CDC42BPB: variants seen among roughly 807,000 people sequenced by gnomAD.
The protein encoded by CDC42BPB is serine/threonine-protein kinase MRCK beta.
A neutral mutation model predicts 214.9 loss-of-function variants in CDC42BPB; 37 were observed. The observed-to-expected ratio is 0.17, with a 90% CI of 0.13 to 0.23. The LOEUF is 0.23. CDC42BPB is among the 10% of genes least tolerant of loss of function. The pLI, the probability that CDC42BPB is intolerant of heterozygous loss-of-function variation, is 1.00. For missense variants in CDC42BPB, 1,694 were observed against 2,227.0 expected, an observed-to-expected ratio of 0.76 and a Z score of 4.82; for synonymous variants, 931 against 884.0, an observed-to-expected ratio of 1.05 and a Z score of -0.94.
chr14:103,023,168 ATT>A (rs35470028), intron 1 of CDC42BPB, among the ~76,000 whole-genome samples: 14 of 129,128 alleles, frequency 1.1e-4, no homozygotes, highest in Non-Finnish European at 8.1e-5. Context: ...CATGTGGCTA[ATT>A]TTTTTTTTTT....
chr14:103,056,251 G>A (rs1888941126), intron 1 of CDC42BPB, among the ~76,000 whole-genome samples: 1 of 152,018 alleles, frequency 6.6e-6, no homozygotes, highest in Non-Finnish European at 1.5e-5. Context: ...TATCACAAAG[G>A]TCTAGCAGAA....
At chr14:102,941,117 C>G in intron 30 of CDC42BPB, 1 of 985,418 alleles carries the variant, frequency 1.0e-6, no homozygotes, top group Non-Finnish European at 1.2e-6. Context: ...TGTGCGTCTT[C>G]CGCTCAGTCC....
At chr14:103,049,642 C>T (rs988693464) in intron 1 of CDC42BPB, among the ~76,000 whole-genome samples, 1 of 152,222 alleles carries the variant, frequency 6.6e-6, no homozygotes, top group Non-Finnish European at 1.5e-5. Context: ...AAATGCATTA[C>T]ATTGATAAAA....
chr14:102,940,900 G>C (rs1891862419), intron 30 of CDC42BPB, among the ~76,000 whole-genome samples: 1 of 152,216 alleles, frequency 6.6e-6, no homozygotes, highest in African/African-American at 2.4e-5. Flanking sequence ...GCATATGCAA[G>C]CGAGGCTAAG....
intron 6 of CDC42BPB, among the ~76,000 whole-genome samples, chr14:102,984,940 G>A (rs1435334922): frequency 6.6e-6 from 1 of 152,262 alleles, no homozygotes; most frequent in Non-Finnish European, 1.5e-5. Flanking sequence ...CGGGACCACT[G>A]GGGTGTTGGG....
Position 102,974,109 on chromosome 14 carries a change from C to T in CDC42BPB, c.1548G>A (p.Ala516=), listed in dbSNP as rs144883325. 158 of 1,613,856 alleles carry T rather than the reference C, an allele frequency of 9.8e-5. No homozygotes were observed. Among genetic ancestry groups the T allele is most frequent in the African/African-American group, 6.8e-4 (51 of 74,932 alleles). ...TGGAGTCCTCACGCTCTTGGCGAAG[C>T]GCCACTGTGTCCTCAAGCTGTCGCT... The part of the protein sequence containing the change: ...RLERQLEDTV[A]LRQEREDSTQ... Residue 516 remains alanine, a synonymous_variant, in exon 12 of 37, where the codon GCG becomes GCA. Coordinates refer to ENST00000361246, the MANE Select transcript of CDC42BPB (RefSeq NM_006035.4).
intron 5 of CDC42BPB, 106 bp from the exon 6 acceptor site, chr14:102,986,686 T>G (rs1894260510): frequency 1.4e-6 from 2 of 1,461,472 alleles, no homozygotes; most frequent in South Asian, 2.9e-5. Context: ...AATATCCTCT[T>G]GTGAACAGCT....
chr14:103,039,492 C>T (rs560777959), intron 1 of CDC42BPB, among the ~76,000 whole-genome samples: 2 of 152,214 alleles, frequency 1.3e-5, no homozygotes, highest in African/African-American at 4.8e-5. Context: ...CCAATTAATG[C>T]AATACACCAT....
intron 12 of CDC42BPB, among the ~76,000 whole-genome samples, chr14:102,972,658 C>G (rs944902832): frequency 3.5e-5 from 4 of 113,126 alleles, no homozygotes; most frequent in Non-Finnish European, 7.0e-5. Flanking sequence ...CACTGCACTC[C>G]AGGCTGGGCG....
intron 1 of CDC42BPB, among the ~76,000 whole-genome samples, chr14:103,020,689 G>A (rs1222687944): frequency 8.5e-5 from 13 of 152,234 alleles, no homozygotes; most frequent in Admixed American, 5.9e-4. Context: ...AGCACAGGGC[G>A]TGTGCCAGGA....
At chr14:103,042,439 T>C (rs1307587396) in intron 1 of CDC42BPB, among the ~76,000 whole-genome samples, 1 of 151,968 alleles carries the variant, frequency 6.6e-6, no homozygotes, top group Non-Finnish European at 1.5e-5. Context: ...GCCTCCCGAG[T>C]AGCTGGGACT....
intron 36 of CDC42BPB, chr14:102,934,114 G>A: frequency 7.2e-6 from 7 of 966,698 alleles, no homozygotes; most frequent in Non-Finnish European, 9.3e-6. Context: ...AAATCAGATG[G>A]GGCCGGACGC....
At chr14:102,966,988 G>C in intron 17 of CDC42BPB, 58 bp downstream of exon 17, 1 of 1,574,784 alleles carries the variant, frequency 6.4e-7, no homozygotes. Context: ...AGGCGGGGCA[G>C]ACCCCATGGA....
At chr14:102,991,709 T>C (rs2139562795) in intron 5 of CDC42BPB, among the ~76,000 whole-genome samples, 1 of 152,318 alleles carries the variant, frequency 6.6e-6, no homozygotes. Context: ...TAACAATACG[T>C]GAATCTGATT....
Position 102,971,577 on chromosome 14 carries a change from C to T in CDC42BPB, c.1884+342G>A, listed in dbSNP as rs1189290990. ...ACAGTGTTGGGATTCCAGGCGTGAG[C>T]CCCGTGCCCGGCCCGTGATTTGCCT... On this transcript the variant is annotated intron_variant, in intron 13 of 36. Transcript: ENST00000361246. 2.0e-5 allele frequency among the ~76,000 whole-genome samples: 3 copies of T among 152,252 alleles called. No individual in the cohort carries two copies. The East Asian group carries it at 5.8e-4, about 29-fold the overall frequency.
At position 103,025,678 on chromosome 14, in the gene CDC42BPB, C is replaced by T. The variant is rs561724261; in HGVS notation, c.176-13490G>A. Reference sequence around the variant, plus strand: ...ACTAAAAATACAAAAATTAGCCAGGCGTGGTGGCACATGCCTATAGTCCCA... The same window carrying T: ...ACTAAAAATACAAAAATTAGCCAGGTGTGGTGGCACATGCCTATAGTCCCA... On this transcript the variant is annotated intron_variant, in intron 1 of 36. Transcript: ENST00000361246. 4.6e-5 allele frequency among the ~76,000 whole-genome samples: 7 copies of T among 151,580 alleles called. 1 individual carries two copies. The highest frequency in any genetic ancestry group is 1.2e-4 in the African/African-American group (5 of 41,324).
chr14:103,016,528 C>CAGGTGAGGGGAGGGAACT (rs1886474173), intron 1 of CDC42BPB, among the ~76,000 whole-genome samples: 6 of 150,938 alleles, frequency 4.0e-5, no homozygotes. Context: ...GGGAGGGAAC[C>CAGGTGAGGGGAGGGAACT]AGGTGAGGGG....
chr14:103,012,653 A>C (rs1224214801), intron 1 of CDC42BPB, among the ~76,000 whole-genome samples: 1 of 152,116 alleles, frequency 6.6e-6, no homozygotes, highest in Non-Finnish European at 1.5e-5. Flanking sequence ...AAAAATACAA[A>C]AATTAGCCGG....
At chr14:103,010,403 A>G (rs1156281056) in intron 2 of CDC42BPB, among the ~76,000 whole-genome samples, 6 of 152,162 alleles carry the variant, frequency 3.9e-5, no homozygotes, top group Admixed American at 3.9e-4. Context: ...GCACGATGGG[A>G]CGAGCCTTGC....
Sources: allele counts gnomAD v4.1 joint callset (sites outside exome capture counted in the v4.1 genomes callset), GRCh38; gene constraint gnomAD v4.1.1; transcripts MANE v1.5; gene names NCBI Gene and HGNC (gene_info 2026-07-23, HGNC 2026-07-21).